The following DNAI3 variants were observed in gnomAD, a reference collection of about 807,000 sequenced individuals.
The protein encoded by DNAI3 is WD repeat domain 63.
In DNAI3, 83 loss-of-function variants were observed where a neutral mutation model predicts 115.5. That is an observed-to-expected ratio of 0.72 (90% CI 0.60 to 0.86). DNAI3 has a LOEUF of 0.86. Among genes scored for constraint, DNAI3 ranks in the 40% least tolerant of loss-of-function variants. DNAI3 has a pLI of 0.00. For synonymous variants in DNAI3, 320 were observed against 347.0 expected (o/e 0.92, Z 0.86); for missense variants, 1,004 against 1,075.8 (o/e 0.93, Z 0.93).
At chr1:85,081,780 TG>T (rs1654641586) in intron 4 of DNAI3, among the ~76,000 whole-genome samples, 1 of 152,148 alleles carries the variant, frequency 6.6e-6, no homozygotes, top group Admixed American at 6.5e-5. Flanking sequence ...CCTGAGTAAC[TG>T]GGACCACAGG....
intron 3 of DNAI3, among the ~76,000 whole-genome samples, chr1:85,080,046 C>CTTTTTTTTTTTTTT (rs35938324): frequency 8.8e-5 from 6 of 68,378 alleles, no homozygotes; most frequent in Admixed American, 2.0e-4. Flanking sequence ...TTTTCTTTTT[C>CTTTTTTTTTTTTTT]TTTTTTTTTT....
chr1:85,091,937 C>G (rs1654989059), intron 8 of DNAI3, among the ~76,000 whole-genome samples: 1 of 152,228 alleles, frequency 6.6e-6, no homozygotes, highest in Non-Finnish European at 1.5e-5. Context: ...GAAGCCACGT[C>G]TTTAACTTTT....
In DNAI3 at chr1:85,068,308, A is replaced by G. The variant is rs115104410; in HGVS notation, c.-14-3620A>G. On this transcript the variant is annotated intron_variant, in intron 1 of 22. Transcript: ENST00000294664. ...CTGTTCCCATGGGATCTCCATCTCAATAAATAGCAACTCCATGCTTTCAAT... is the reference window on the plus strand; with the variant it reads ...CTGTTCCCATGGGATCTCCATCTCAGTAAATAGCAACTCCATGCTTTCAAT... 1.3e-3 allele frequency among the ~76,000 whole-genome samples: 200 copies of G among 152,238 alleles called. 3 individuals are homozygous for G. Among genetic ancestry groups the G allele is most frequent in the African/African-American group, 4.6e-3 (192 of 41,518 alleles).
At chr1:85,116,033 C>T (rs1655806608) in intron 16 of DNAI3, among the ~76,000 whole-genome samples, 1 of 152,194 alleles carries the variant, frequency 6.6e-6, no homozygotes, top group Non-Finnish European at 1.5e-5. Flanking sequence ...TATCCTGCTA[C>T]TTCTTCCGTT....
intron 14 of DNAI3, among the ~76,000 whole-genome samples, chr1:85,107,737 A>T (rs1462693457): frequency 6.6e-6 from 1 of 152,204 alleles, no homozygotes; most frequent in Non-Finnish European, 1.5e-5. Flanking sequence ...CTTTAATTGG[A>T]TGAATGTTGT....
intron 8 of DNAI3, 79 bp downstream of exon 8, chr1:85,090,311 A>G (rs1654934619): frequency 1.4e-6 from 1 of 696,262 alleles, no homozygotes. Flanking sequence ...CTAAATAAAC[A>G]ATTCCATATA....
chr1:85,084,256 A>G (rs1025127203), intron 5 of DNAI3, among the ~76,000 whole-genome samples: 36 of 64,186 alleles, frequency 5.6e-4, no homozygotes, highest in East Asian at 3.4e-3. Context: ...GTGTGTATAT[A>G]TATATATATA....
At chr1:85,115,058 C>A (rs138558784) in intron 16 of DNAI3, among the ~76,000 whole-genome samples, 1 of 152,204 alleles carries the variant, frequency 6.6e-6, no homozygotes, top group East Asian at 1.9e-4. Context: ...GCAGCTATGA[C>A]GGTAGATTCT....
chr1:85,128,044 C>T (rs950821565), intron 20 of DNAI3, among the ~76,000 whole-genome samples: 2 of 142,294 alleles, frequency 1.4e-5, no homozygotes, highest in Non-Finnish European at 3.0e-5. Flanking sequence ...ATGATTGATT[C>T]AGCCTGGGAG....
intron 7 of DNAI3, 30 bp from the exon 8 acceptor site, chr1:85,090,086 T>C (rs1468111775): frequency 7.9e-7 from 1 of 1,262,752 alleles, no homozygotes. Context: ...GACCTAATCT[T>C]TAGTATTGAA....
At chr1:85,116,089 A>G (rs1655809073) in intron 16 of DNAI3, among the ~76,000 whole-genome samples, 1 of 152,108 alleles carries the variant, frequency 6.6e-6, no homozygotes, top group Admixed American at 6.5e-5. Context: ...CCTTGCTGCC[A>G]TCTACTCATG....
At chr1:85,121,917 G>C in intron 18 of DNAI3, 103 bp downstream of exon 18, 2 of 1,238,444 alleles carry the variant, frequency 1.6e-6, no homozygotes, top group Non-Finnish European at 2.3e-6. Flanking sequence ...TTGCTAATGG[G>C]AGGGAAGGCT....
In DNAI3 at chr1:85,081,365, C is replaced by A. The variant is rs575950333; in HGVS notation, c.235C>A (p.Arg79Ser). ...INKEDIFEDL[R>S]NRAAVSDFHP... ...TAAAGAAGACATTTTTGAGGACCTG[C>A]GCAACAGAGCTGCAGTATCTGATTT... is the stretch of plus-strand genomic sequence containing the variant. The change falls in exon 4 of 23, where the codon CGC becomes AGC. Residue 79 changes from arginine (R) to serine (S), a missense_variant. Around this residue, in one of 3 missense-constraint regions of DNAI3, gnomAD observed 550 missense variants for 568.1 expected, o/e 0.97. Coordinates refer to ENST00000294664, the MANE Select transcript of DNAI3 (RefSeq NM_145172.5). The A allele has an allele frequency of 5.0e-6, 8 of 1,600,866 alleles. No homozygotes were observed. The highest frequency in any genetic ancestry group is 1.1e-5 in the South Asian group (1 of 88,686).
intron 8 of DNAI3, among the ~76,000 whole-genome samples, chr1:85,092,794 TAC>T (rs58308443): frequency 0.021 from 3,085 of 145,272 alleles, 62 homozygotes; most frequent in African/African-American, 0.057. Context: ...CAACTAAAAC[TAC>T]ACACACACAC....
At chr1:85,088,321 G>A (rs1168991626) in intron 7 of DNAI3, among the ~76,000 whole-genome samples, 1 of 152,002 alleles carries the variant, frequency 6.6e-6, no homozygotes, top group Admixed American at 6.6e-5. Flanking sequence ...TGAGAAATAA[G>A]GGCAGGTCTT....
chr1:85,130,651 T>C (rs1279987457), intron 22 of DNAI3, among the ~76,000 whole-genome samples: 1 of 150,878 alleles, frequency 6.6e-6, no homozygotes, highest in Non-Finnish European at 1.5e-5. Context: ...TAATGATAGA[T>C]GATAGATTAG....
chr1:85,062,707 A>C (rs1219707446), intron 1 of DNAI3, among the ~76,000 whole-genome samples: 4 of 152,212 alleles, frequency 2.6e-5, no homozygotes, highest in Admixed American at 2.6e-4. Context: ...AAGAACTTTA[A>C]GGGCATGTAC....
At chr1:85,114,923 G>T (rs1211811337) in intron 16 of DNAI3, among the ~76,000 whole-genome samples, 7 of 152,186 alleles carry the variant, frequency 4.6e-5, no homozygotes, top group Admixed American at 4.6e-4. Context: ...GCTCTTCTAA[G>T]TGGTCACTTT....
intron 4 of DNAI3, among the ~76,000 whole-genome samples, chr1:85,081,888 G>A (rs927956059): frequency 1.3e-5 from 2 of 152,108 alleles, no homozygotes; most frequent in Non-Finnish European, 2.9e-5. Flanking sequence ...TGATCTTCCC[G>A]CCTTGGCCTT....
Sources: gnomAD v4.1 joint callset for allele counts (sites outside exome capture counted in the v4.1 genomes callset) on GRCh38, gnomAD v4.1.1 for gene constraint, gnomAD v4.1.1 regional missense constraint, MANE v1.5 for transcripts, NCBI Gene and HGNC (gene_info 2026-07-23, HGNC 2026-07-21) for gene names.